PFKP: variants seen among roughly 807,000 people sequenced by gnomAD.
PFKP encodes the protein phosphofructokinase, platelet.
PFKP carries 101 observed loss-of-function variants against 94.3 expected under a neutral mutation model. The ratio of observed to expected loss-of-function variants is 1.07; its 90% CI spans 0.91 to 1.26. The LOEUF is 1.26. Among genes scored for constraint, PFKP ranks in the 50% most tolerant of loss-of-function variants. PFKP has a pLI of 0.00. For missense variants in PFKP, 1,145 were observed against 1,103.3 expected (o/e 1.04, Z -0.53); for synonymous variants, 573 against 432.6 (o/e 1.32, Z -4.03).
Position 3,105,522 on chromosome 10 carries a change from G to A in PFKP, c.774+21G>A, listed in dbSNP as rs370569824. On this transcript the variant is annotated intron_variant, in intron 7 of 21. Transcript: ENST00000381125. Reference sequence around the variant, plus strand: ...CGGAGGTAATGCGGGTCCCGTGGCCGTTGATAGCGGGCGATGCTGGCTGCA... The same window carrying A: ...CGGAGGTAATGCGGGTCCCGTGGCCATTGATAGCGGGCGATGCTGGCTGCA... The A allele has an allele frequency of 7.5e-5, 113 of 1,507,848 alleles. 1 individual carries two copies. The East Asian group carries it at 9.2e-4, about 12-fold the overall frequency. The allele number at this position is 1,507,848 out of a possible 1,614,324, so 93.4% of individuals were successfully genotyped here.
At chr10:3,112,314 C>T (rs377714486) in intron 11 of PFKP, 28 bp downstream of exon 11, 19 of 1,569,404 alleles carry the variant, frequency 1.2e-5, no homozygotes, top group Non-Finnish European at 1.6e-5. Flanking sequence ...AAGCTCTGCC[C>T]TGTCAGGAAC....
intron 13 of PFKP, among the ~76,000 whole-genome samples, chr10:3,116,171 T>C (rs1836811844): frequency 6.6e-6 from 1 of 152,144 alleles, no homozygotes; most frequent in Admixed American, 6.5e-5. Context: ...GTACAGTATT[T>C]ACCTTTTGAT....
chr10:3,111,849 A>G (rs894513490), intron 10 of PFKP, among the ~76,000 whole-genome samples: 1 of 151,992 alleles, frequency 6.6e-6, no homozygotes, highest in African/African-American at 2.4e-5. Context: ...TCCCCACCAT[A>G]ATCAAATTGA....
chr10:3,114,447 G>A (rs866996494), intron 13 of PFKP, among the ~76,000 whole-genome samples: 3 of 152,210 alleles, frequency 2.0e-5, no homozygotes, highest in African/African-American at 7.2e-5. Context: ...ACCGTGCCCA[G>A]CCTCCTACTT....
intron 8 of PFKP, 61 bp downstream of exon 8, chr10:3,107,370 G>T (rs903463905): frequency 1.0e-6 from 1 of 976,210 alleles, no homozygotes; most frequent in East Asian, 2.4e-5. Flanking sequence ...GGAGGCTAGC[G>T]TCATGGGCAG....
intron 3 of PFKP, among the ~76,000 whole-genome samples, chr10:3,100,032 G>A (rs868175764): frequency 1.3e-5 from 2 of 149,720 alleles, no homozygotes; most frequent in Non-Finnish European, 3.0e-5. Context: ...TGTATATGTG[G>A]TGTCCTTGTA....
chr10:3,136,032 G>A (rs532271028), intron 21 of PFKP, among the ~76,000 whole-genome samples, 194 bp downstream of exon 21: 12 of 152,244 alleles, frequency 7.9e-5, no homozygotes, highest in African/African-American at 9.6e-5. Flanking sequence ...GTGGGAGGCC[G>A]AGACAGGTGG....
chr10:3,069,227 G>C, intron 1 of PFKP: 1 of 1,407,376 alleles, frequency 7.1e-7, no homozygotes, highest in Non-Finnish European at 9.4e-7. Context: ...GTGCTCTGGC[G>C]TTAGCATTCC....
At chr10:3,123,242 G>A (rs1160084015) in intron 16 of PFKP, among the ~76,000 whole-genome samples, 2 of 152,166 alleles carry the variant, frequency 1.3e-5, no homozygotes, top group Admixed American at 6.5e-5. Flanking sequence ...CTGTAAGCTC[G>A]ATAAGGTCAC....
intron 16 of PFKP, among the ~76,000 whole-genome samples, chr10:3,122,112 C>T (rs7913254): frequency 0.45 from 68,836 of 151,980 alleles, 15,568 homozygotes; most frequent in East Asian, 0.48. Flanking sequence ...GATGAGCCAC[C>T]GCGCCGGGCC....
At chr10:3,126,449 T>TGTA (rs1837956075) in intron 16 of PFKP, among the ~76,000 whole-genome samples, 1 of 152,232 alleles carries the variant, frequency 6.6e-6, no homozygotes, top group African/African-American at 2.4e-5. Flanking sequence ...TTTAGCACCT[T>TGTA]GTAGATGTCC....
intron 2 of PFKP, among the ~76,000 whole-genome samples, chr10:3,086,439 C>T (rs145280756): frequency 1.1e-3 from 161 of 152,314 alleles, no homozygotes; most frequent in African/African-American, 1.7e-3. Context: ...GGCCTCTAGC[C>T]GGGAGTAGGG....
chr10:3,113,653 A>ACT, intron 13 of PFKP, 135 bp downstream of exon 13: 1 of 645,750 alleles, frequency 1.5e-6, no homozygotes. Flanking sequence ...ATTGTGACTG[A>ACT]AGCATTGCTT....
intron 19 of PFKP, among the ~76,000 whole-genome samples, chr10:3,133,555 C>A (rs538877717): frequency 6.6e-6 from 1 of 152,192 alleles, no homozygotes; most frequent in African/African-American, 2.4e-5. Context: ...ATCAGCCTCC[C>A]GAGGAGATGG....
rs577899445 is a variant in PFKP, at chr10:3,105,724, A to G, written c.774+223A>G. 2.0e-5 allele frequency among the ~76,000 whole-genome samples: 3 copies of G among 152,298 alleles called. No individual in the cohort carries two copies. The East Asian group carries it at 5.8e-4, about 29-fold the overall frequency. ...GTTTCATTTAAGACCTGAGGCTGAG[A>G]CAGAGTGAGCCTGGTTAGAATGCCC... On this transcript the variant is annotated intron_variant, in intron 7 of 21. Coordinates refer to ENST00000381125, the MANE Select transcript of PFKP (RefSeq NM_002627.5).
At chr10:3,126,621 A>G (rs1223035572) in intron 16 of PFKP, among the ~76,000 whole-genome samples, 2 of 152,224 alleles carry the variant, frequency 1.3e-5, no homozygotes, top group African/African-American at 4.8e-5. Context: ...GAGGGATACC[A>G]GTCATGGGAA....
At chr10:3,113,335 C>T (rs1378613151) in intron 12 of PFKP, 37 bp from the exon 13 acceptor site, 1 of 1,575,934 alleles carries the variant, frequency 6.3e-7, no homozygotes, top group Admixed American at 1.7e-5. Context: ...CTCACGTGTG[C>T]CCGTGACCCA....
At chr10:3,080,204 C>T (rs910702546) in intron 1 of PFKP, among the ~76,000 whole-genome samples, 2 of 152,052 alleles carry the variant, frequency 1.3e-5, no homozygotes, top group African/African-American at 4.8e-5. Flanking sequence ...CCTGGAGGAA[C>T]GCGGTCATAT....
chr10:3,121,563 C>T (rs1270051980), intron 16 of PFKP, among the ~76,000 whole-genome samples: 1 of 145,242 alleles, frequency 6.9e-6, no homozygotes, highest in African/African-American at 2.6e-5. Flanking sequence ...ATTCCAGGGT[C>T]CTCTGCTATA....
Sources: allele counts gnomAD v4.1 joint callset (sites outside exome capture counted in the v4.1 genomes callset), GRCh38; gene constraint gnomAD v4.1.1; transcripts MANE v1.5; gene names NCBI Gene and HGNC (gene_info 2026-07-23, HGNC 2026-07-21).